ACOX3: variants seen among roughly 807,000 people sequenced by gnomAD.
The protein encoded by ACOX3 is acyl-CoA oxidase 3, pristanoyl, also known as peroxisomal acyl-coenzyme A oxidase 3.
A neutral mutation model predicts 81.5 loss-of-function variants in ACOX3; 73 were observed. That is an observed-to-expected ratio of 0.90 (90% CI 0.74 to 1.09). The LOEUF (loss-of-function observed/expected upper bound fraction) is 1.09. Ranked by LOEUF, ACOX3 falls within the 50% of genes least tolerant of loss-of-function variation. ACOX3 has a pLI of 0.00. For missense variants in ACOX3, 947 were observed against 928.0 expected, an observed-to-expected ratio of 1.02 and a Z score of -0.27; for synonymous variants, 387 against 375.1, an observed-to-expected ratio of 1.03 and a Z score of -0.37.
intron 1 of ACOX3, among the ~76,000 whole-genome samples, chr4:8,427,237 G>A (rs1287660058): frequency 6.6e-6 from 1 of 152,140 alleles, no homozygotes; most frequent in Non-Finnish European, 1.5e-5. Context: ...ACAGGGGGAG[G>A]GACAATGATC....
Position 8,415,757 on chromosome 4 carries a change from C to T in ACOX3, c.378+9G>A, listed in dbSNP as rs371825522. 4.0e-5 allele frequency: 64 copies of T among 1,612,772 alleles called. No individual in the cohort carries two copies. In the African/African-American group the frequency reaches 8.1e-4, roughly 20 times the overall value. ...AGCCGTTTCCCTCTCCCCTAGGCCG[C>T]ATGCTCACCAAGCTATGGAGGAGGT... is the stretch of plus-strand genomic sequence containing the variant. On this transcript the variant is annotated intron_variant, in intron 3 of 17. Coordinates refer to ENST00000356406, the MANE Select transcript of ACOX3 (RefSeq NM_003501.3).
At chr4:8,360,596 C>A in the ACOX3 span, among the ~76,000 whole-genome samples, 41 of 151,876 alleles carry the variant, frequency 2.7e-4, no homozygotes, top group African/African-American at 9.4e-4. Context: ...CTCAGCCTCC[C>A]GAGTAGGTGG....
At chr4:8,425,573 G>C (rs1354994457) in intron 1 of ACOX3, among the ~76,000 whole-genome samples, 1 of 150,414 alleles carries the variant, frequency 6.6e-6, no homozygotes, top group African/African-American at 2.5e-5. Context: ...GTGTGGCAAA[G>C]AAATAATCCC....
chr4:8,355,680 C>A, the ACOX3 span: 3 of 152,052 alleles, frequency 2.0e-5, no homozygotes, highest in African/African-American at 7.2e-5. Flanking sequence ...AATGTGCAGG[C>A]ATTTCTGATT....
In ACOX3 at chr4:8,389,631, G is replaced by A. The variant is rs116406348; in HGVS notation, c.1404C>T (p.Leu468=). ...CCTCACCGTGGACCTGGTGTGCCAG[G>A]AGACCCAGCAAATAGTTGCTTGTCT... The part of the protein sequence containing the change: ...LQQTSNYLLG[L]LAHQVHDGAC... Residue 468 remains leucine, a synonymous_variant, in exon 12 of 18, where the codon CTC becomes CTT. Transcript: ENST00000356406. This position sits in a 1 kb window ranked among gnomAD's most constrained non-coding sequence, Gnocchi z 5.3. 7.6e-5 allele frequency: 123 copies of A among 1,613,956 alleles called. No individual in the cohort carries two copies. In the East Asian group the frequency reaches 2.0e-3, roughly 26 times the overall value.
rs1007617964 is a variant in ACOX3 at position 8,385,943 on chromosome 4, G to A, written c.1537+3230C>T. ...CTCTCTCCCATACCACTTTGAACAA[G>A]TGAAAGCCATTTGCCTTTGTTACTC... On this transcript the variant is annotated intron_variant, in intron 13 of 17. Coordinates refer to ENST00000356406, the MANE Select transcript of ACOX3 (RefSeq NM_003501.3). The surrounding 1 kb of genome is among the most constrained non-coding windows in gnomAD (Gnocchi z 5.5). Among the ~76,000 whole-genome samples, 2 of 152,240 alleles carry A rather than the reference G, an allele frequency of 1.3e-5. No homozygotes were observed. The highest frequency in any genetic ancestry group is 4.8e-5 in the African/African-American group (2 of 41,456).
At chr4:8,397,162 G>A (rs761255689) in intron 8 of ACOX3, 43 bp from the exon 9 acceptor site, 15 of 1,487,104 alleles carry the variant, frequency 1.0e-5, no homozygotes, top group African/African-American at 7.2e-5. Flanking sequence ...CCGGCTGCGC[G>A]GCCACCTTGG....
intron 6 of ACOX3, 130 bp downstream of exon 6, chr4:8,410,082 G>T: frequency 8.1e-7 from 1 of 1,235,704 alleles, no homozygotes; most frequent in Non-Finnish European, 1.1e-6. Context: ...GTCCTGGGCA[G>T]TGTCCCTGGT....
At chr4:8,373,664 C>G in intron 15 of ACOX3, 36 bp from the exon 16 acceptor site, 1 of 1,593,082 alleles carries the variant, frequency 6.3e-7, no homozygotes, top group Non-Finnish European at 8.6e-7. Context: ...GGGGCTGGGT[C>G]CAGTCCAAAA....
At chr4:8,421,954 G>C (rs965417875) in intron 1 of ACOX3, among the ~76,000 whole-genome samples, 1 of 152,226 alleles carries the variant, frequency 6.6e-6, no homozygotes, top group Non-Finnish European at 1.5e-5. Flanking sequence ...CCTTAGAATT[G>C]ATGACCCAGT....
rs569980219 is a variant in ACOX3, at chr4:8,419,087, G to C, written c.-14-2552C>G. Among the ~76,000 whole-genome samples, 15 of 152,016 alleles carry C rather than the reference G, an allele frequency of 9.9e-5. No homozygotes were observed. Among genetic ancestry groups the C allele is most frequent in the African/African-American group, 2.9e-4 (12 of 41,476 alleles). ...AGGCTAAGGCAGGAGGACAGCTTGA[G>C]CCCAGGAGTTTGAGACCAGCCTGGG... On this transcript the variant is annotated intron_variant, in intron 1 of 17. Coordinates refer to ENST00000356406, the MANE Select transcript of ACOX3 (RefSeq NM_003501.3). This position sits in a 1 kb window ranked among gnomAD's most constrained non-coding sequence, Gnocchi z 4.2.
At chr4:8,420,957 T>C (rs1265241484) in intron 1 of ACOX3, among the ~76,000 whole-genome samples, 1 of 152,212 alleles carries the variant, frequency 6.6e-6, no homozygotes, top group Non-Finnish European at 1.5e-5. Flanking sequence ...TTCTCTTCCA[T>C]GACCCACGGC....
intron 1 of ACOX3, among the ~76,000 whole-genome samples, chr4:8,418,053 T>C (rs897135762): frequency 1.3e-5 from 2 of 152,180 alleles, no homozygotes; most frequent in African/African-American, 4.8e-5. Context: ...CAATAAACTG[T>C]CCACGAAGAA....
At position 8,414,383 on chromosome 4, in the gene ACOX3, T is replaced by G; in HGVS notation, c.454-2A>C. On this transcript the variant is annotated splice_acceptor_variant, in intron 4 of 17. Coordinates refer to ENST00000356406, the MANE Select transcript of ACOX3 (RefSeq NM_003501.3). LOFTEE classifies it high-confidence loss of function. This position sits in a 1 kb window ranked among gnomAD's most constrained non-coding sequence, Gnocchi z 6.1. ...GGTCAGAGCAAAACATCCAAAAATCTAAATGTCAAAGCACAAAATGATGGA... is the reference window on the plus strand; with the variant it reads ...GGTCAGAGCAAAACATCCAAAAATCGAAATGTCAAAGCACAAAATGATGGA... The G allele has an allele frequency of 6.2e-7, 1 of 1,613,742 alleles. No homozygotes were observed. Among genetic ancestry groups the G allele is most frequent in the Non-Finnish European group, 8.5e-7 (1 of 1,179,618 alleles).
intron 17 of ACOX3, among the ~76,000 whole-genome samples, chr4:8,369,454 C>G (rs1715876653): frequency 6.6e-6 from 1 of 152,218 alleles, no homozygotes; most frequent in Non-Finnish European, 1.5e-5. Context: ...TGGCTCTCAG[C>G]TCTCAGCGGC....
chr4:8,380,582 CT>C (rs1204951379), intron 14 of ACOX3, among the ~76,000 whole-genome samples: 1 of 152,200 alleles, frequency 6.6e-6, no homozygotes, highest in Non-Finnish European at 1.5e-5. Flanking sequence ...CCTAGAGGAG[CT>C]GGCCTGAGGG....
At chr4:8,398,008 C>T (rs1361878135) in intron 8 of ACOX3, among the ~76,000 whole-genome samples, 3 of 152,162 alleles carry the variant, frequency 2.0e-5, no homozygotes, top group Non-Finnish European at 2.9e-5. Context: ...TAAAAGTACG[C>T]AAATTAGCCA....
Position 8,414,829 on chromosome 4 carries a change from C to A in ACOX3, c.453+25G>T. On this transcript the variant is annotated intron_variant, in intron 4 of 17. Transcript: ENST00000356406. The surrounding 1 kb of genome is among the most constrained non-coding windows in gnomAD (Gnocchi z 6.1). ...AGATCAAGCAAGAGAACCAGGCTCA[C>A]AATTTACCATGAACCAGAACTTACC... 6.2e-7 allele frequency: 1 copy of A among 1,606,352 alleles called. No homozygotes were observed. The highest frequency in any genetic ancestry group is 1.3e-5 in the African/African-American group (1 of 74,892).
chr4:8,367,106 T>G, intron 17 of ACOX3, 26 bp from the exon 18 acceptor site: 1 of 1,607,184 alleles, frequency 6.2e-7, no homozygotes, highest in South Asian at 1.1e-5. Context: ...ACACAGCAAG[T>G]GAAGACAAAG....
Sources: allele counts gnomAD v4.1 joint callset (sites outside exome capture counted in the v4.1 genomes callset), GRCh38; gene constraint gnomAD v4.1.1; non-coding constraint Gnocchi (gnomAD v3.1); transcripts MANE v1.5; gene names NCBI Gene and HGNC (gene_info 2026-07-23, HGNC 2026-07-21).